Variants in DNAJC13 observed in about 807,000 individuals in gnomAD.
The protein encoded by DNAJC13 is dnaJ homolog subfamily C member 13.
In DNAJC13, 75 loss-of-function variants were observed where a neutral mutation model predicts 290.5. The observed-to-expected ratio is 0.26, with a 90% confidence interval of 0.21 to 0.31. The LOEUF is 0.31. DNAJC13 is among the 10% of genes least tolerant of loss of function. The probability of loss-of-function intolerance (pLI) is 1.00; values close to 1 mark genes in which losing one functional copy is unlikely to be tolerated. For synonymous variants in DNAJC13, 862 were observed against 892.0 expected (o/e 0.97, Z 0.60); for missense variants, 2,260 against 2,674.5 (o/e 0.85, Z 3.42).
chr3:132,531,298 A>G (rs1016109044), intron 55 of DNAJC13, among the ~76,000 whole-genome samples: 1 of 152,210 alleles, frequency 6.6e-6, no homozygotes, highest in Non-Finnish European at 1.5e-5. Flanking sequence ...TTGAATGGGT[A>G]CTGACTAAAG....
At chr3:132,455,334 C>A (rs902518020) in intron 9 of DNAJC13, among the ~76,000 whole-genome samples, 1 of 152,106 alleles carries the variant, frequency 6.6e-6, no homozygotes, top group African/African-American at 2.4e-5. Context: ...AAAAAGACTG[C>A]CAGTGGCAGG....
chr3:132,476,287 G>A lies in DNAJC13; in HGVS notation c.2445+1202G>A, dbSNP rs529234818. 8.3e-4 allele frequency among the ~76,000 whole-genome samples: 127 copies of A among 152,148 alleles called. 1 individual carries two copies. The highest frequency in any genetic ancestry group is 2.9e-3 in the African/African-American group (122 of 41,486). On this transcript the variant is annotated intron_variant, in intron 22 of 55. Coordinates refer to ENST00000260818, the MANE Select transcript of DNAJC13 (RefSeq NM_015268.4). ...CCAAAATTGTGCTCTTGTTCTTCCC[G>A]AGCCTACTTCTCTTACAGTCTTTAT...
At chr3:132,457,454 C>T (rs761078754) in intron 13 of DNAJC13, 86 bp downstream of exon 13, 1 of 1,037,628 alleles carries the variant, frequency 9.6e-7, no homozygotes, top group Admixed American at 2.2e-5. Context: ...TTCATTGTAC[C>T]AATAAGTTCT....
At chr3:132,420,053 A>G (rs1438276240) in intron 1 of DNAJC13, among the ~76,000 whole-genome samples, 2 of 152,252 alleles carry the variant, frequency 1.3e-5, no homozygotes, top group African/African-American at 4.8e-5. Flanking sequence ...CACAGAGCAA[A>G]ACCACTGGCT....
intron 1 of DNAJC13, among the ~76,000 whole-genome samples, chr3:132,432,138 C>CT (rs1176032087): frequency 3.3e-5 from 5 of 152,090 alleles, no homozygotes. Flanking sequence ...AGAATTCCAA[C>CT]TATTCAGTTT....
chr3:132,534,889 A>C (rs760412131), intron 55 of DNAJC13, among the ~76,000 whole-genome samples: 12 of 152,182 alleles, frequency 7.9e-5, no homozygotes, highest in Non-Finnish European at 1.6e-4. Flanking sequence ...ATTGTGTATC[A>C]TGTGTTTGAT....
At chr3:132,458,214 T>TTTAC (rs1933678446) in intron 13 of DNAJC13, 1 of 152,174 alleles carries the variant, frequency 6.6e-6, no homozygotes, top group Non-Finnish European at 1.5e-5. Flanking sequence ...GAAACAATTG[T>TTTAC]TTAGTACAGT....
chr3:132,478,187 G>T (rs1173527895), intron 24 of DNAJC13, 47 bp downstream of exon 24: 6 of 1,487,874 alleles, frequency 4.0e-6, no homozygotes, highest in African/African-American at 2.8e-5. Flanking sequence ...TGTCACTAGG[G>T]TATGTGTTAA....
At chr3:132,496,467 T>C in intron 35 of DNAJC13, 61 bp from the exon 36 acceptor site, 1 of 1,429,838 alleles carries the variant, frequency 7.0e-7, no homozygotes, top group Non-Finnish European at 9.4e-7. Flanking sequence ...CCATATGTCT[T>C]GTTTAAGTTG....
rs1171363599 is a variant in DNAJC13 at position 132,500,749 on chromosome 3, C to A, written c.4417-45C>A. 4 of 1,609,358 alleles carry A rather than the reference C, an allele frequency of 2.5e-6. No homozygotes were observed. The South Asian group carries it at 3.3e-5, about 13-fold the overall frequency. Reference sequence around the variant, plus strand: ...TTTCTATGTGTTAAATAAGGAATGCCTATGTGACTCTACTGGTTTTTTTGC... The same window carrying A: ...TTTCTATGTGTTAAATAAGGAATGCATATGTGACTCTACTGGTTTTTTTGC... On this transcript the variant is annotated intron_variant, in intron 38 of 55. Coordinates refer to ENST00000260818, the MANE Select transcript of DNAJC13 (RefSeq NM_015268.4).
At position 132,483,538 on chromosome 3, in the gene DNAJC13, T is replaced by G; in HGVS notation, c.3143T>G (p.Leu1048Trp). The G allele has an allele frequency of 6.2e-7, 1 of 1,614,090 alleles. No homozygotes were observed. Among genetic ancestry groups the G allele is most frequent in the Non-Finnish European group, 8.5e-7 (1 of 1,179,972 alleles). The change falls in exon 28 of 56, where the codon TTG becomes TGG. Residue 1048 changes from leucine to tryptophan, a missense_variant. By Grantham distance (61) the Leu-to-Trp change is moderately conservative. Transcript: ENST00000260818. ...GAAACTGACCTTGCTACCCTTATAT[T>G]GAACATGTTGATCACAATGTGTGGA... ...LNETDLATLI[L>W]NMLITMCGYF...
chr3:132,451,692 C>G (rs1269255716), intron 6 of DNAJC13, among the ~76,000 whole-genome samples: 1 of 152,108 alleles, frequency 6.6e-6, no homozygotes, highest in Non-Finnish European at 1.5e-5. Context: ...TCCGGGAATG[C>G]TCCTTCAATT....
chr3:132,502,689 A>C (rs1935457792), intron 40 of DNAJC13, among the ~76,000 whole-genome samples: 1 of 152,256 alleles, frequency 6.6e-6, no homozygotes, highest in Non-Finnish European at 1.5e-5. Context: ...AATAGCATAT[A>C]CTGGACATAA....
chr3:132,436,682 A>G (rs530042911), intron 2 of DNAJC13, among the ~76,000 whole-genome samples: 17 of 152,228 alleles, frequency 1.1e-4, no homozygotes, highest in African/African-American at 3.6e-4. Flanking sequence ...ATCCTTATCA[A>G]CACTTATTGT....
chr3:132,475,610 G>T (rs1934446859), intron 22 of DNAJC13, among the ~76,000 whole-genome samples: 1 of 152,140 alleles, frequency 6.6e-6, no homozygotes, highest in African/African-American at 2.4e-5. Context: ...AACTATTATA[G>T]CTTTAAATTT....
intron 17 of DNAJC13, among the ~76,000 whole-genome samples, chr3:132,465,228 T>C (rs530458850): frequency 1.2e-4 from 19 of 152,248 alleles, no homozygotes; most frequent in African/African-American, 3.6e-4. Context: ...ATAAAACATA[T>C]GTTTGTGGGT....
At chr3:132,532,912 A>AATTATTATTATTATTATT (rs78689169) in intron 55 of DNAJC13, among the ~76,000 whole-genome samples, 2,620 of 141,788 alleles carry the variant, frequency 0.018, 90 homozygotes, top group African/African-American at 0.054. Flanking sequence ...TAATTTTTGT[A>AATTATTATTATTATTATT]ATTATTATTA....
chr3:132,501,075 G>C (rs1935392034), intron 39 of DNAJC13, among the ~76,000 whole-genome samples, 162 bp downstream of exon 39: 1 of 152,198 alleles, frequency 6.6e-6, no homozygotes, highest in African/African-American at 2.4e-5. Context: ...GCTGTAAATG[G>C]AGGCTTTGCT....
At chr3:132,534,895 T>G (rs571737049) in intron 55 of DNAJC13, among the ~76,000 whole-genome samples, 66 of 152,334 alleles carry the variant, frequency 4.3e-4, no homozygotes, top group Admixed American at 2.2e-3. Flanking sequence ...TATCATGTGT[T>G]TGATAAAAGG....
Sources: gnomAD v4.1 joint callset for allele counts (sites outside exome capture counted in the v4.1 genomes callset) on GRCh38, gnomAD v4.1.1 for gene constraint, MANE v1.5 for transcripts, NCBI Gene and HGNC (gene_info 2026-07-23, HGNC 2026-07-21) for gene names.